The following SQOR variants were observed in gnomAD, a reference collection of about 807,000 sequenced individuals.
SQOR encodes sulfide:quinone oxidoreductase, mitochondrial.
SQOR carries 39 observed loss-of-function variants against 48.6 expected under a neutral mutation model. The observed-to-expected ratio is 0.80, with a 90% CI of 0.62 to 1.05. SQOR has a LOEUF of 1.05. SQOR is among the 50% of genes least tolerant of loss of function. The probability of loss-of-function intolerance (pLI) is 0.00; values close to 1 mark genes in which losing one functional copy is unlikely to be tolerated. For missense variants in SQOR, 561 were observed against 559.9 expected (o/e 1.00, Z -0.02); for synonymous variants, 220 against 206.2 (o/e 1.07, Z -0.57).
At chr15:45,638,335 T>C (rs1394754180) in intron 1 of SQOR, among the ~76,000 whole-genome samples, 1 of 152,172 alleles carries the variant, frequency 6.6e-6, no homozygotes, top group Non-Finnish European at 1.5e-5. Flanking sequence ...TGAGCACCTG[T>C]AGCCCCAGCT....
At chr15:45,675,825 C>T (rs1219195606) in intron 5 of SQOR, among the ~76,000 whole-genome samples, 1 of 152,164 alleles carries the variant, frequency 6.6e-6, no homozygotes, top group Non-Finnish European at 1.5e-5. Flanking sequence ...TTCCGTTCTA[C>T]TCTACTCTGT....
intron 1 of SQOR, among the ~76,000 whole-genome samples, chr15:45,651,189 G>A (rs964745441): frequency 2.0e-5 from 3 of 152,206 alleles, no homozygotes; most frequent in Admixed American, 6.5e-5. Flanking sequence ...GAATTCAAGC[G>A]CAGCACCTGC....
At chr15:45,640,197 C>G (rs560620116) in intron 1 of SQOR, among the ~76,000 whole-genome samples, 15 of 152,338 alleles carry the variant, frequency 9.8e-5, no homozygotes, top group Middle Eastern at 3.4e-3. Flanking sequence ...AAATTCACAT[C>G]TCTGATCAAT....
At chr15:45,659,215 T>TCA in intron 2 of SQOR, 58 bp downstream of exon 2, 1 of 1,186,360 alleles carries the variant, frequency 8.4e-7, no homozygotes, top group Admixed American at 3.3e-5. Context: ...TGTGTGAGTG[T>TCA]GTGTGTGTGT....
At chr15:45,665,435 T>C (rs1360719843) in intron 3 of SQOR, among the ~76,000 whole-genome samples, 1 of 152,232 alleles carries the variant, frequency 6.6e-6, no homozygotes, top group African/African-American at 2.4e-5. Context: ...CCATTAGCAA[T>C]TTTTCTATCT....
chr15:45,647,220 G>A (rs1001928598), intron 1 of SQOR, among the ~76,000 whole-genome samples: 1 of 151,780 alleles, frequency 6.6e-6, no homozygotes, highest in Non-Finnish European at 1.5e-5. Context: ...CCGCACTCCA[G>A]TCTGGGCAAC....
intron 6 of SQOR, among the ~76,000 whole-genome samples, chr15:45,678,279 C>T (rs1301725163): frequency 6.6e-6 from 1 of 152,174 alleles, no homozygotes; most frequent in Non-Finnish European, 1.5e-5. Context: ...ATGATCCTTG[C>T]CTAATCAAAT....
chr15:45,634,546 A>G (rs1894961578), upstream of SQOR, among the ~76,000 whole-genome samples: 1 of 151,992 alleles, frequency 6.6e-6, no homozygotes, highest in Non-Finnish European at 1.5e-5. Flanking sequence ...CGCACACCAA[A>G]GCTGAACCTC....
intron 1 of SQOR, among the ~76,000 whole-genome samples, chr15:45,637,907 C>A (rs1398859122): frequency 1.3e-5 from 2 of 152,198 alleles, no homozygotes; most frequent in East Asian, 3.8e-4. Context: ...CTATATAACT[C>A]CTCTTTGACT....
At chr15:45,666,855 CT>C (rs1889832041) in intron 3 of SQOR, among the ~76,000 whole-genome samples, 1 of 39,632 alleles carries the variant, frequency 2.5e-5, no homozygotes, top group Non-Finnish European at 5.0e-5. Flanking sequence ...CCCTCCTCTC[CT>C]CTCCCCTCCC....
In SQOR at chr15:45,690,563, C is replaced by T. The variant is rs1595513562; in HGVS notation, c.1296-410C>T. ...AGGGGTGCTACTTGCATTTAGTGAG[C>T]AGAGGCCAGGGATACTGCTAAACGT... is the stretch of plus-strand genomic sequence containing the variant. On this transcript the variant is annotated intron_variant, in intron 9 of 9. Transcript: ENST00000260324. Among the ~76,000 whole-genome samples the T allele has an allele frequency of 3.9e-5, 6 of 152,238 alleles. No individual in the cohort carries two copies. In the South Asian group the frequency reaches 1.2e-3, roughly 32 times the overall value.
At chr15:45,686,648 C>A (rs75777166) in intron 7 of SQOR, among the ~76,000 whole-genome samples, 23,588 of 152,108 alleles carry the variant, frequency 0.16, 2,250 homozygotes, top group East Asian at 0.43. Context: ...TGCCGTGGGC[C>A]CACAAGGCCT....
In SQOR at chr15:45,676,587, C is replaced by T. The variant is rs61028721; in HGVS notation, c.864+277C>T. On this transcript the variant is annotated intron_variant, in intron 6 of 9. Coordinates refer to ENST00000260324, the MANE Select transcript of SQOR (RefSeq NM_021199.4). ...CCTTTGACTCAACTTTTCCTGGCATCGAGTCACTTGAGGTAGCCAAAAATA... is the reference window on the plus strand; with the variant it reads ...CCTTTGACTCAACTTTTCCTGGCATTGAGTCACTTGAGGTAGCCAAAAATA... Among the ~76,000 whole-genome samples, 1,471 of 152,260 alleles carry T rather than the reference C, an allele frequency of 9.7e-3. 30 individuals carry two copies. Among genetic ancestry groups the T allele is most frequent in the African/African-American group, 0.033 (1,379 of 41,558 alleles).
At chr15:45,651,630 C>CT (rs900664051) in intron 1 of SQOR, among the ~76,000 whole-genome samples, 15 of 151,742 alleles carry the variant, frequency 9.9e-5, no homozygotes, top group South Asian at 4.2e-4. Context: ...CGTCTAATTT[C>CT]TTTTTTTTTG....
At chr15:45,673,513 G>A in intron 4 of SQOR, 94 bp from the exon 5 acceptor site, 1 of 1,368,692 alleles carries the variant, frequency 7.3e-7, no homozygotes, top group Non-Finnish European at 1.0e-6. Context: ...TGATAGTACT[G>A]AAATATTTGA....
intron 1 of SQOR, among the ~76,000 whole-genome samples, chr15:45,638,616 CAG>C (rs886400946): frequency 1.3e-5 from 2 of 151,754 alleles, no homozygotes; most frequent in Non-Finnish European, 2.9e-5. Flanking sequence ...TCCAACTACT[CAG>C]GGGGCTGAGG....
chr15:45,689,417 CT>C (rs544575691), intron 9 of SQOR, 200 bp downstream of exon 9: 38,791 of 254,386 alleles, frequency 0.15, 623 homozygotes, highest in South Asian at 0.2. Context: ...TGCTACCTTA[CT>C]TTTTTTTTTT....
chr15:45,649,287 G>A (rs1458299308), intron 1 of SQOR, among the ~76,000 whole-genome samples: 1 of 152,132 alleles, frequency 6.6e-6, no homozygotes, highest in Non-Finnish European at 1.5e-5. Context: ...AATCAACAGG[G>A]ACTTTACTTC....
Position 45,682,425 on chromosome 15 carries a change from G to A in SQOR, c.865-53G>A, listed in dbSNP as rs1890139511. On this transcript the variant is annotated intron_variant, in intron 6 of 9. Transcript: ENST00000260324. ...AAGGAAGGTAGGGGGAGAGCTTGTG[G>A]AGCTGTAGAAATATTGAATAAATGA... 7 of 1,590,854 alleles carry A rather than the reference G, an allele frequency of 4.4e-6. 1 individual carries two copies. In the South Asian group the frequency reaches 6.8e-5, roughly 15 times the overall value.
Sources: gnomAD v4.1 joint callset for allele counts (sites outside exome capture counted in the v4.1 genomes callset) on GRCh38, gnomAD v4.1.1 for gene constraint, MANE v1.5 for transcripts, NCBI Gene and HGNC (gene_info 2026-07-23, HGNC 2026-07-21) for gene names.